WDR44: variants seen among roughly 807,000 people sequenced by gnomAD.
The protein encoded by WDR44 is WD repeat domain 44.
WDR44 carries 9 observed loss-of-function variants against 65.7 expected under a neutral mutation model. That is an observed-to-expected ratio of 0.14 (90% CI 0.08 to 0.24). The LOEUF (loss-of-function observed/expected upper bound fraction) is 0.24. Ranked by LOEUF, WDR44 falls within the 10% of genes least tolerant of loss-of-function variation. The pLI is 1.00. For synonymous variants in WDR44, 220 were observed against 235.2 expected (o/e 0.94, Z 0.59); for missense variants, 425 against 670.9 (o/e 0.63, Z 4.05).
chrX:118,434,669 C>T (rs917298315), intron 13 of WDR44, among the ~76,000 whole-genome samples: 1 of 111,531 alleles, frequency 9.0e-6, no homozygotes, highest in African/African-American at 3.3e-5. Flanking sequence ...GGTCTATCCT[C>T]ATATCCCCAA....
chrX:118,363,457 A>G (rs1602865781), intron 1 of WDR44, among the ~76,000 whole-genome samples: 1 of 110,118 alleles, frequency 9.1e-6, no homozygotes, highest in East Asian at 2.8e-4. Context: ...GTAACAACAT[A>G]TTGTTTAGGG....
intron 6 of WDR44, 89 bp from the exon 7 acceptor site, chrX:118,396,881 A>C: frequency 9.9e-7 from 1 of 1,010,329 alleles, no homozygotes; most frequent in Non-Finnish European, 1.3e-6. Flanking sequence ...AAAAGCCTTT[A>C]GCTTAAATTT....
chrX:118,424,299 GTA>G (rs200000594), intron 12 of WDR44, among the ~76,000 whole-genome samples: 8,428 of 74,343 alleles, frequency 0.11, 830 homozygotes, highest in African/African-American at 0.3. Flanking sequence ...GTGTGTATGT[GTA>G]TATATATATA....
intron 13 of WDR44, among the ~76,000 whole-genome samples, chrX:118,434,996 T>C (rs181831752): frequency 9.0e-6 from 1 of 111,621 alleles, no homozygotes; most frequent in East Asian, 2.8e-4. Context: ...ACAAAATTAG[T>C]TATGGGTAGA....
At chrX:118,403,301 A>G (rs1237153144) in intron 8 of WDR44, among the ~76,000 whole-genome samples, 3 of 111,960 alleles carry the variant, frequency 2.7e-5, no homozygotes. Context: ...TAAAAAGGCC[A>G]TTTTGAGAGA....
intron 4 of WDR44, 89 bp downstream of exon 4, chrX:118,393,360 A>G: frequency 2.0e-6 from 2 of 1,009,718 alleles, no homozygotes. Flanking sequence ...AGGCGGGCGG[A>G]TCGCTTGAGC....
At chrX:118,397,194 G>T in intron 7 of WDR44, 88 bp downstream of exon 7, 1 of 844,638 alleles carries the variant, frequency 1.2e-6, no homozygotes, top group Non-Finnish European at 1.6e-6. Context: ...CCCCTAATTT[G>T]GTTTCATTCA....
At position 118,443,736 on chromosome X, in the gene WDR44, G is replaced by T. The variant is rs759999011; in HGVS notation, c.2512+49G>T. The T allele has an allele frequency of 3.5e-6, 4 of 1,143,669 alleles. No homozygotes were observed. The South Asian group carries it at 6.1e-5, about 17-fold the overall frequency. The allele number at this position is 1,143,669 out of a possible 1,213,427, so 94.3% of individuals were successfully genotyped here. Reference sequence around the variant, plus strand: ...TGTCTTATAAGAGAATCAAGTTACAGTGGATATATACTAGAAGTAAATTCA... The same window carrying T: ...TGTCTTATAAGAGAATCAAGTTACATTGGATATATACTAGAAGTAAATTCA... On this transcript the variant is annotated intron_variant, in intron 18 of 19. Coordinates refer to ENST00000254029, the MANE Select transcript of WDR44 (RefSeq NM_019045.5).
At chrX:118,363,135 C>G (rs375212681) in intron 1 of WDR44, among the ~76,000 whole-genome samples, 7 of 108,907 alleles carry the variant, frequency 6.4e-5, no homozygotes, top group Non-Finnish European at 1.3e-4. Flanking sequence ...GTGGCTCACA[C>G]TTATAATCCC....
chrX:118,364,860 C>T (rs1482888841), intron 1 of WDR44, among the ~76,000 whole-genome samples: 1 of 112,258 alleles, frequency 8.9e-6, no homozygotes, highest in African/African-American at 3.2e-5. Flanking sequence ...TGAACAAAAG[C>T]CTATCTCTTT....
chrX:118,426,164 C>T (rs1047191320), intron 12 of WDR44, among the ~76,000 whole-genome samples: 2 of 111,187 alleles, frequency 1.8e-5, no homozygotes, highest in African/African-American at 3.3e-5. Context: ...GAGAATGGCA[C>T]GGTAATCATA....
chrX:118,387,126 G>C (rs753584729), intron 2 of WDR44, among the ~76,000 whole-genome samples: 1 of 100,316 alleles, frequency 1.0e-5, no homozygotes, highest in East Asian at 3.2e-4. Flanking sequence ...AGGTTGCAGT[G>C]AGCCAGGATT....
intron 12 of WDR44, among the ~76,000 whole-genome samples, chrX:118,424,311 ATG>A (rs1182357496): frequency 9.2e-5 from 7 of 75,744 alleles, no homozygotes; most frequent in East Asian, 4.5e-4. Context: ...ATATATATAT[ATG>A]TGTGTGTGTG....
At chrX:118,412,996 T>C (rs1249941719) in intron 12 of WDR44, among the ~76,000 whole-genome samples, 1 of 112,253 alleles carries the variant, frequency 8.9e-6, no homozygotes, top group Non-Finnish European at 1.9e-5. Context: ...GTCTCCAATC[T>C]CATCCAGGTT....
intron 19 of WDR44, chrX:118,446,996 A>C: frequency 3.4e-6 from 1 of 294,228 alleles, no homozygotes; most frequent in Non-Finnish European, 6.4e-6. Flanking sequence ...CAGCATCCCG[A>C]GTAGCTAGGA....
At chrX:118,405,162 A>G (rs746529201) in intron 9 of WDR44, among the ~76,000 whole-genome samples, 71 of 109,806 alleles carry the variant, frequency 6.5e-4, no homozygotes, top group African/African-American at 2.3e-3. Flanking sequence ...CAGCTTACCA[A>G]GTAGCTGGGA....
intron 1 of WDR44, among the ~76,000 whole-genome samples, chrX:118,374,974 C>T (rs765253889): frequency 1.8e-5 from 2 of 111,723 alleles, no homozygotes; most frequent in South Asian, 3.7e-4. Flanking sequence ...ACTGTCTCCT[C>T]GTCTCTCAAA....
intron 1 of WDR44, among the ~76,000 whole-genome samples, chrX:118,358,439 A>G (rs1441028859): frequency 8.9e-6 from 1 of 112,335 alleles, no homozygotes; most frequent in Admixed American, 9.4e-5. Context: ...GGCCAGGTAC[A>G]GAAGCTCATG....
chrX:118,410,619 A>G (rs1250516353), intron 11 of WDR44, among the ~76,000 whole-genome samples: 16 of 111,824 alleles, frequency 1.4e-4, no homozygotes, highest in African/African-American at 3.2e-5. Context: ...GTCATGATTA[A>G]TAAGAATGTG....
Sources: gnomAD v4.1 joint callset for allele counts (sites outside exome capture counted in the v4.1 genomes callset) on GRCh38, gnomAD v4.1.1 for gene constraint, MANE v1.5 for transcripts, NCBI Gene and HGNC (gene_info 2026-07-23, HGNC 2026-07-21) for gene names.